The following OPCML variants were observed in gnomAD, a reference collection of about 807,000 sequenced individuals.
OPCML encodes the protein opioid binding protein/cell adhesion molecule like.
Under a neutral mutation model 37.8 loss-of-function variants are expected in OPCML, and 13 were observed. The ratio of observed to expected loss-of-function variants is 0.34; its 90% CI spans 0.22 to 0.55. The LOEUF is 0.55. Ranked by LOEUF, OPCML falls within the 20% of genes least tolerant of loss-of-function variation. The pLI is 0.91. For missense variants in OPCML, 341 were observed against 435.6 expected, an observed-to-expected ratio of 0.78 and a Z score of 1.93; for synonymous variants, 176 against 168.8, an observed-to-expected ratio of 1.04 and a Z score of -0.33.
chr11:132,483,865 T>C (rs965842853), intron 4 of OPCML, among the ~76,000 whole-genome samples: 12 of 152,068 alleles, frequency 7.9e-5, no homozygotes, highest in African/African-American at 1.9e-4. Context: ...GCTAGCCATA[T>C]GTAGAAAGCT....
At chr11:133,353,862 G>A (rs1210530060) in intron 1 of OPCML, among the ~76,000 whole-genome samples, 1 of 152,196 alleles carries the variant, frequency 6.6e-6, no homozygotes, top group African/African-American at 2.4e-5. Flanking sequence ...TCAGCTATAT[G>A]AAGTTTACCC....
In OPCML at chr11:132,419,041, AC is replaced by A. The variant is rs2095948306; in HGVS notation, c.*1151del. The A allele has an allele frequency of 6.6e-6, 1 of 152,660 alleles. No individual in the cohort carries two copies. Among genetic ancestry groups the A allele is most frequent in the South Asian group, 2.1e-4 (1 of 4,822 alleles). The allele number at this position is 152,660 out of a possible 1,614,324, so 9.5% of individuals were successfully genotyped here. A position where few individuals can be genotyped will look rare whatever the true frequency, so the allele number is the denominator to read the frequency against. ...AGTGTCTCCCTTGGGTGGATAGGATACCAGATTTTAAAGAGTCCACAACACA... is the reference window on the plus strand; with the variant it reads ...AGTGTCTCCCTTGGGTGGATAGGATACAGATTTTAAAGAGTCCACAACACA... On this transcript the variant is annotated 3_prime_UTR_variant, in exon 8 of 8. Coordinates refer to ENST00000524381, the MANE Select transcript of OPCML (RefSeq NM_001012393.5).
chr11:132,730,668 A>C (rs1945046452), intron 2 of OPCML, among the ~76,000 whole-genome samples: 1 of 152,144 alleles, frequency 6.6e-6, no homozygotes, highest in African/African-American at 2.4e-5. Flanking sequence ...TCAAAAGAAG[A>C]CGTAATCTCT....
intron 2 of OPCML, among the ~76,000 whole-genome samples, chr11:132,719,674 GGA>G (rs1185841446): frequency 6.6e-6 from 1 of 152,112 alleles, no homozygotes. Flanking sequence ...GAAGAGATAG[GGA>G]GAGAGGCAAG....
At chr11:132,772,458 G>A (rs992574280) in intron 2 of OPCML, 2 of 152,238 alleles carry the variant, frequency 1.3e-5, no homozygotes, top group Admixed American at 6.5e-5. Flanking sequence ...GAAACAGCAT[G>A]CCTTCCAGGG....
chr11:133,148,866 A>T (rs1303604026), intron 1 of OPCML, among the ~76,000 whole-genome samples: 4 of 152,138 alleles, frequency 2.6e-5, no homozygotes, highest in Non-Finnish European at 5.9e-5. Context: ...AAAGGGAAGG[A>T]AGGAAGGCTT....
intron 1 of OPCML, among the ~76,000 whole-genome samples, chr11:133,022,817 A>G (rs1947478430): frequency 6.6e-6 from 1 of 152,136 alleles, no homozygotes; most frequent in East Asian, 1.9e-4. Flanking sequence ...CTTCCCTTCA[A>G]AGCTTACCCA....
chr11:132,641,896 G>T (rs982698306), intron 3 of OPCML, among the ~76,000 whole-genome samples: 13 of 152,182 alleles, frequency 8.5e-5, no homozygotes, highest in Non-Finnish European at 1.8e-4. Context: ...GTGCTCAGGG[G>T]TTGTCATTCA....
At chr11:133,043,812 AATTGC>A (rs1223298781) in intron 1 of OPCML, among the ~76,000 whole-genome samples, 2 of 152,248 alleles carry the variant, frequency 1.3e-5, no homozygotes, top group East Asian at 3.8e-4. Flanking sequence ...GATCTCAAAT[AATTGC>A]AAGCCAGAAA....
chr11:132,757,766 C>G (rs932005866), intron 2 of OPCML, among the ~76,000 whole-genome samples: 1 of 152,082 alleles, frequency 6.6e-6, no homozygotes, highest in Non-Finnish European at 1.5e-5. Context: ...ACTCTGATGA[C>G]AGTTTCTTTT....
intron 1 of OPCML, chr11:133,008,399 T>G (rs1003554219): frequency 6.1e-6 from 6 of 985,358 alleles, no homozygotes; most frequent in Non-Finnish European, 7.2e-6. Context: ...CATCCGAGAT[T>G]GTGCTCAGGA....
intron 1 of OPCML, among the ~76,000 whole-genome samples, chr11:133,484,174 A>G: frequency 6.6e-6 from 1 of 152,088 alleles, no homozygotes; most frequent in African/African-American, 2.4e-5. Flanking sequence ...GTAGATAGAT[A>G]GATAGATAGA....
chr11:132,634,899 A>G (rs1370600891), intron 3 of OPCML, among the ~76,000 whole-genome samples: 1 of 151,916 alleles, frequency 6.6e-6, no homozygotes, highest in African/African-American at 2.4e-5. Context: ...ACTAGAACAC[A>G]AGATTCTAAC....
At chr11:133,262,677 C>T (rs897814825) in intron 1 of OPCML, among the ~76,000 whole-genome samples, 2 of 152,140 alleles carry the variant, frequency 1.3e-5, no homozygotes, top group African/African-American at 4.8e-5. Context: ...CGTGTGGCTT[C>T]CTATCCAGGT....
chr11:132,416,797 CAT>C lies in OPCML; in HGVS notation c.*3394_*3395del, dbSNP rs2095940230. On this transcript the variant is annotated 3_prime_UTR_variant, in exon 8 of 8. Transcript: ENST00000524381. Reference sequence around the variant, plus strand: ...ACATGTTTTCACAACCACTTCTCTACATCTCCCCCTCCCTGAATTAAAGCAAG... The same window carrying C: ...ACATGTTTTCACAACCACTTCTCTACCTCCCCCTCCCTGAATTAAAGCAAG... 1 of 152,638 alleles carries C rather than the reference CAT, an allele frequency of 6.6e-6. No individual in the cohort carries two copies. Among genetic ancestry groups the C allele is most frequent in the Non-Finnish European group, 1.5e-5 (1 of 68,050 alleles). The allele number at this position is 152,638 out of a possible 1,614,324, so 9.5% of individuals were successfully genotyped here. A position where few individuals can be genotyped will look rare whatever the true frequency, so the allele number is the denominator to read the frequency against.
intron 2 of OPCML, among the ~76,000 whole-genome samples, chr11:132,870,612 G>A (rs1020975086): frequency 1.3e-5 from 2 of 152,114 alleles, no homozygotes; most frequent in East Asian, 1.9e-4. Context: ...CATGTTCATC[G>A]CAGCACTGTT....
At chr11:133,202,421 A>G (rs1012766125) in intron 1 of OPCML, among the ~76,000 whole-genome samples, 5 of 152,314 alleles carry the variant, frequency 3.3e-5, no homozygotes, top group African/African-American at 1.2e-4. Flanking sequence ...TCCCTCCACA[A>G]ATAACAATCA....
intron 3 of OPCML, among the ~76,000 whole-genome samples, chr11:132,569,534 G>A (rs1040700777): frequency 6.6e-6 from 1 of 152,176 alleles, no homozygotes; most frequent in African/African-American, 2.4e-5. Flanking sequence ...AATATTTCAG[G>A]AGATAATGGC....
chr11:132,963,515 C>T (rs1946139989), intron 1 of OPCML, among the ~76,000 whole-genome samples: 1 of 151,618 alleles, frequency 6.6e-6, no homozygotes, highest in Admixed American at 6.6e-5. Context: ...TCGCTTGAAC[C>T]CAGGAGGCGG....
Sources: gnomAD v4.1 joint callset for allele counts (sites outside exome capture counted in the v4.1 genomes callset) on GRCh38, gnomAD v4.1.1 for gene constraint, MANE v1.5 for transcripts, NCBI Gene and HGNC (gene_info 2026-07-23, HGNC 2026-07-21) for gene names.